SRD5A3: variants seen among roughly 807,000 people sequenced by gnomAD.
The protein encoded by SRD5A3 is polyprenal reductase.
A neutral mutation model predicts 34.3 loss-of-function variants in SRD5A3; 24 were observed. The ratio of observed to expected loss-of-function variants is 0.70; its 90% confidence interval spans 0.51 to 0.99. SRD5A3 has a LOEUF of 0.99. SRD5A3 is among the 50% of genes least tolerant of loss of function. The pLI is 0.00. For synonymous variants in SRD5A3, 161 were observed against 167.3 expected (o/e 0.96, Z 0.29); for missense variants, 350 against 388.2 (o/e 0.90, Z 0.83).
At chr4:55,350,153 T>G (rs1249512074) in intron 1 of SRD5A3, among the ~76,000 whole-genome samples, 1 of 152,104 alleles carries the variant, frequency 6.6e-6, no homozygotes, top group Non-Finnish European at 1.5e-5. Flanking sequence ...GTGGATCACC[T>G]GAGGTCCGGA....
chr4:55,360,725 A>C (rs112773781), intron 2 of SRD5A3, among the ~76,000 whole-genome samples: 3,124 of 137,068 alleles, frequency 0.023, 117 homozygotes, highest in African/African-American at 0.079. Context: ...TTTCGCTCTT[A>C]TTGCCCGGGC....
At chr4:55,351,885 G>T in intron 1 of SRD5A3, 1 of 637,492 alleles carries the variant, frequency 1.6e-6, no homozygotes, top group South Asian at 1.4e-5. Flanking sequence ...GTACATGACA[G>T]GAACTCCAGG....
chr4:55,360,023 T>A (rs773839060), intron 2 of SRD5A3, among the ~76,000 whole-genome samples: 17 of 151,056 alleles, frequency 1.1e-4, no homozygotes, highest in African/African-American at 2.9e-4. Flanking sequence ...CCATCCTGGC[T>A]AACACGGTGA....
At chr4:55,350,173 C>A in intron 1 of SRD5A3, among the ~76,000 whole-genome samples, 1 of 152,090 alleles carries the variant, frequency 6.6e-6, no homozygotes, top group East Asian at 1.9e-4. Flanking sequence ...AGTTGGAGAC[C>A]AGCCTGGCCG....
rs980708280 is a variant in SRD5A3, at chr4:55,346,324, G to T, written c.-13G>T. ...TGGGGGCGCCAGCAGCGCGGAAGGCGGGCACGCGGGCCATGGCTCCCTGGG... is the reference window on the plus strand; with the variant it reads ...TGGGGGCGCCAGCAGCGCGGAAGGCTGGCACGCGGGCCATGGCTCCCTGGG... On this transcript the variant is annotated 5_prime_UTR_variant, in exon 1 of 5. Transcript: ENST00000264228. The T allele has an allele frequency of 6.3e-6, 9 of 1,421,104 alleles. No individual in the cohort carries two copies. The African/African-American group carries it at 1.2e-4, about 19-fold the overall frequency. The allele number at this position is 1,421,104 out of a possible 1,614,324, so 88.0% of individuals were successfully genotyped here. A position where few individuals can be genotyped will look rare whatever the true frequency, so the allele number is the denominator to read the frequency against.
At chr4:55,353,017 A>G (rs1159905190) in intron 1 of SRD5A3, among the ~76,000 whole-genome samples, 1 of 152,108 alleles carries the variant, frequency 6.6e-6, no homozygotes, top group Non-Finnish European at 1.5e-5. Flanking sequence ...AGTGGAAGCT[A>G]CTGAGGGCTT....
chr4:55,351,211 A>G (rs1435019363), intron 1 of SRD5A3, among the ~76,000 whole-genome samples: 3 of 151,804 alleles, frequency 2.0e-5, no homozygotes, highest in Non-Finnish European at 4.4e-5. Flanking sequence ...AGCAGGGAAC[A>G]CAGGTACGTG....
chr4:55,372,975 C>T lies in SRD5A3; in HGVS notation c.*2884C>T, dbSNP rs529368289. ...CCGTTGCAGATATTTTTGTATGTAG[C>T]TTAATAGATATTTAGTTTAAGGAGA... On this transcript the variant is annotated 3_prime_UTR_variant, in exon 5 of 5. Coordinates refer to ENST00000264228, the MANE Select transcript of SRD5A3 (RefSeq NM_024592.5). 2.1e-3 allele frequency: 323 copies of T among 150,880 alleles called. 1 individual carries two copies. Among genetic ancestry groups the T allele is most frequent in the African/African-American group, 7.4e-3 (305 of 41,140 alleles). 9.3% of individuals were successfully genotyped at this position (150,880 alleles called of 1,614,324 possible). A position where few individuals can be genotyped will look rare whatever the true frequency, so the allele number is the denominator to read the frequency against.
chr4:55,353,580 G>C (rs372719301), intron 1 of SRD5A3, among the ~76,000 whole-genome samples: 9 of 152,140 alleles, frequency 5.9e-5, no homozygotes, highest in South Asian at 4.1e-4. Context: ...TGCTCTTCAC[G>C]GTAAGTCTTG....
chr4:55,369,547 T>C (rs1432601034), intron 4 of SRD5A3: 10 of 424,124 alleles, frequency 2.4e-5, no homozygotes, highest in African/African-American at 6.0e-5. Flanking sequence ...CTGGGCAACA[T>C]AGGCAGACCC....
At chr4:55,355,414 T>C (rs143180452) in intron 1 of SRD5A3, among the ~76,000 whole-genome samples, 1 of 149,426 alleles carries the variant, frequency 6.7e-6, no homozygotes, top group African/African-American at 2.5e-5. Flanking sequence ...ACCAAGATCG[T>C]GCCACTGCAC....
rs760328071 is a variant in SRD5A3 at position 55,347,199 on chromosome 4, G to A, written c.221+642G>A. Among the ~76,000 whole-genome samples the A allele has an allele frequency of 5.9e-5, 9 of 152,338 alleles. No individual in the cohort carries two copies. The South Asian group carries it at 1.2e-3, about 21-fold the overall frequency. ...AATTCTGTAACCCAGTTCAGCGAAG[G>A]ATTAAATCGTCAGGTTTTAAATAGA... On this transcript the variant is annotated intron_variant, in intron 1 of 4. Coordinates refer to ENST00000264228, the MANE Select transcript of SRD5A3 (RefSeq NM_024592.5).
chr4:55,355,006 A>G (rs991998497), intron 1 of SRD5A3, among the ~76,000 whole-genome samples: 7 of 152,230 alleles, frequency 4.6e-5, no homozygotes, highest in African/African-American at 1.2e-4. Context: ...ACCCCTGCTT[A>G]CAAGGGCTTG....
intron 1 of SRD5A3, among the ~76,000 whole-genome samples, chr4:55,350,965 C>T (rs1719169278): frequency 6.6e-6 from 1 of 151,782 alleles, no homozygotes; most frequent in African/African-American, 2.4e-5. Context: ...GGGGTTTCGC[C>T]ATGTTGTACA....
rs147183515 is a variant in SRD5A3, at chr4:55,372,528, G to C, written c.*2437G>C. The C allele has an allele frequency of 1.3e-5, 2 of 152,322 alleles. No homozygotes were observed. Among genetic ancestry groups the C allele is most frequent in the East Asian group, 3.9e-4 (2 of 5,186 alleles). 9.4% of individuals were successfully genotyped at this position (152,322 alleles called of 1,614,324 possible). A position where few individuals can be genotyped will look rare whatever the true frequency, so the allele number is the denominator to read the frequency against. On this transcript the variant is annotated 3_prime_UTR_variant, in exon 5 of 5. Coordinates refer to ENST00000264228, the MANE Select transcript of SRD5A3 (RefSeq NM_024592.5). ...CATGGCCTTTGGTGAAAGCGTCACCGATGGGAAATAATTGAGAATTGTGCA... is the reference window on the plus strand; with the variant it reads ...CATGGCCTTTGGTGAAAGCGTCACCCATGGGAAATAATTGAGAATTGTGCA...
chr4:55,349,600 T>G (rs555290579), intron 1 of SRD5A3, among the ~76,000 whole-genome samples: 14 of 152,262 alleles, frequency 9.2e-5, no homozygotes, highest in Middle Eastern at 6.8e-3. Context: ...CCTAGAGTTT[T>G]GATTTCCCAG....
At position 55,367,129 on chromosome 4, in the gene SRD5A3, CAG is replaced by C. The variant is rs1478567216; in HGVS notation, c.563-451_563-450del. Reference sequence around the variant, plus strand: ...GGCTCTCCCTAGCAGGATGGTAGCTCAGAGAGAGATTTCCTTAGAAAGTGTTT... The same window carrying C: ...GGCTCTCCCTAGCAGGATGGTAGCTCAGAGAGATTTCCTTAGAAAGTGTTT... On this transcript the variant is annotated intron_variant, in intron 3 of 4. Coordinates refer to ENST00000264228, the MANE Select transcript of SRD5A3 (RefSeq NM_024592.5). 5.2e-5 allele frequency: 11 copies of C among 210,750 alleles called. No individual in the cohort carries two copies. The South Asian group carries it at 9.3e-4, about 18-fold the overall frequency. 13.1% of individuals were successfully genotyped at this position (210,750 alleles called of 1,614,324 possible). A position where few individuals can be genotyped will look rare whatever the true frequency, so the allele number is the denominator to read the frequency against.
chr4:55,369,125 C>T (rs762798626), intron 4 of SRD5A3, among the ~76,000 whole-genome samples: 4 of 152,080 alleles, frequency 2.6e-5, no homozygotes, highest in African/African-American at 9.7e-5. Context: ...TTCACAATGC[C>T]GACATGAGAT....
intron 1 of SRD5A3, among the ~76,000 whole-genome samples, chr4:55,350,662 ATT>A (rs1719153513): frequency 6.6e-6 from 1 of 152,162 alleles, no homozygotes; most frequent in South Asian, 2.1e-4. Context: ...ATAACACTCT[ATT>A]ATTAAGTATA....
Sources: gnomAD v4.1 joint callset for allele counts (sites outside exome capture counted in the v4.1 genomes callset) on GRCh38, gnomAD v4.1.1 for gene constraint, MANE v1.5 for transcripts, NCBI Gene and HGNC (gene_info 2026-07-23, HGNC 2026-07-21) for gene names.